ALDH18A1: variants seen among roughly 807,000 people sequenced by gnomAD.
ALDH18A1 encodes delta-1-pyrroline-5-carboxylate synthase.
In ALDH18A1, 44 loss-of-function variants were observed where a neutral mutation model predicts 88.8. The observed-to-expected ratio is 0.50, with a 90% CI of 0.39 to 0.64. The LOEUF is 0.64. ALDH18A1 is among the 30% of genes least tolerant of loss of function. The pLI is 0.00. For synonymous variants in ALDH18A1, 331 were observed against 372.1 expected, an observed-to-expected ratio of 0.89 and a Z score of 1.27; for missense variants, 782 against 1,009.5, an observed-to-expected ratio of 0.77 and a Z score of 3.05.
At chr10:95,625,718 G>C (rs780393770) in intron 10 of ALDH18A1, among the ~76,000 whole-genome samples, 9 of 141,026 alleles carry the variant, frequency 6.4e-5, no homozygotes, top group Non-Finnish European at 1.2e-4. Flanking sequence ...ATTATAATTA[G>C]CAAACCATGG....
At chr10:95,652,189 C>T (rs2097911401) in intron 2 of ALDH18A1, among the ~76,000 whole-genome samples, 2 of 152,198 alleles carry the variant, frequency 1.3e-5, no homozygotes, top group East Asian at 3.9e-4. Flanking sequence ...AAAATGTAGA[C>T]CAGATTAATG....
At chr10:95,653,039 T>TA (rs562048235) in intron 2 of ALDH18A1, among the ~76,000 whole-genome samples, 7 of 151,780 alleles carry the variant, frequency 4.6e-5, no homozygotes, top group Non-Finnish European at 8.8e-5. Flanking sequence ...ATAAAAAAGT[T>TA]AGAGTCAGCG....
chr10:95,620,741 G>T lies in ALDH18A1; in HGVS notation c.1467+290C>A, dbSNP rs144896093. 0.049 allele frequency among the ~76,000 whole-genome samples: 7,241 copies of T among 147,114 alleles called. 235 individuals carry two copies. Among genetic ancestry groups the T allele is most frequent in the South Asian group, 0.088 (387 of 4,402 alleles). The stretch of plus-strand genomic sequence containing the variant: ...CACTCGTAGGTGGGAACTGAACAAT[G>T]AGAACACTTGGACACAGGGTGGGGA... On this transcript the variant is annotated intron_variant, in intron 12 of 17. Coordinates refer to ENST00000371224, the MANE Select transcript of ALDH18A1 (RefSeq NM_002860.4).
chr10:95,638,024 A>T (rs2097884400), intron 3 of ALDH18A1, among the ~76,000 whole-genome samples: 1 of 151,714 alleles, frequency 6.6e-6, no homozygotes, highest in Non-Finnish European at 1.5e-5. Flanking sequence ...TAAGAAAAAA[A>T]TTTTTTTAAG....
At position 95,613,866 on chromosome 10, in the gene ALDH18A1, G is replaced by C. The variant is rs753352541; in HGVS notation, c.1802-3C>G. The C allele has an allele frequency of 6.2e-7, 1 of 1,614,202 alleles. No homozygotes were observed. Among genetic ancestry groups the C allele is most frequent in the South Asian group, 1.1e-5 (1 of 91,088 alleles). On this transcript the variant is annotated splice_region_variant and splice_polypyrimidine_tract_variant and intron_variant, in intron 14 of 17. Transcript: ENST00000371224. ...ATATTCACATTTAGAGTCTCTGACT[G>C]AAAGAAGATGAGCAAAGAATTGTTT... is the stretch of plus-strand genomic sequence containing the variant.
At chr10:95,620,513 C>T (rs1052652194) in intron 12 of ALDH18A1, among the ~76,000 whole-genome samples, 3 of 152,168 alleles carry the variant, frequency 2.0e-5, no homozygotes, top group Admixed American at 2.0e-4. Flanking sequence ...TTCACAATAG[C>T]AAAGACTTGG....
chr10:95,627,599 G>T lies in ALDH18A1; in HGVS notation c.934-13C>A. Reference sequence around the variant, plus strand: ...GGGCTGCTTTCACCTAATGAGACAGGTTAGATCCAGTAAAGATGAGATTCA... The same window carrying T: ...GGGCTGCTTTCACCTAATGAGACAGTTTAGATCCAGTAAAGATGAGATTCA... On this transcript the variant is annotated splice_polypyrimidine_tract_variant and intron_variant, in intron 8 of 17. Coordinates refer to ENST00000371224, the MANE Select transcript of ALDH18A1 (RefSeq NM_002860.4). 6.2e-7 allele frequency: 1 copy of T among 1,613,882 alleles called. No homozygotes were observed. Among genetic ancestry groups the T allele is most frequent in the Non-Finnish European group, 8.5e-7 (1 of 1,179,830 alleles).
At chr10:95,647,454 G>C (rs1183441622) in intron 2 of ALDH18A1, among the ~76,000 whole-genome samples, 1 of 152,234 alleles carries the variant, frequency 6.6e-6, no homozygotes, top group East Asian at 1.9e-4. Context: ...TGTAAAAAAA[G>C]TGTTACTTAC....
In ALDH18A1 at chr10:95,625,527, C is replaced by A. The variant is rs372198073; in HGVS notation, c.1153-72G>T. ...AAGAATGCACACCACAGTTTTTAAA[C>A]CTACTCTTCTGAGAGTGCCAGGCCT... On this transcript the variant is annotated intron_variant, in intron 10 of 17. Transcript: ENST00000371224. 8,500 of 1,333,964 alleles carry A rather than the reference C, an allele frequency of 6.4e-3. 68 individuals carry two copies. Among genetic ancestry groups the A allele is most frequent in the Middle Eastern group, 0.017 (91 of 5,436 alleles). The allele number at this position is 1,333,964 out of a possible 1,614,324, so 82.6% of individuals were successfully genotyped here. A position where few individuals can be genotyped will look rare whatever the true frequency, so the allele number is the denominator to read the frequency against.
At chr10:95,651,442 C>T (rs1427041771) in intron 2 of ALDH18A1, among the ~76,000 whole-genome samples, 2 of 152,144 alleles carry the variant, frequency 1.3e-5, no homozygotes, top group African/African-American at 4.8e-5. Context: ...GCCATTCTTG[C>T]ATTGCTGTAA....
At chr10:95,614,729 T>C (rs1287233790) in intron 13 of ALDH18A1, among the ~76,000 whole-genome samples, 2 of 152,220 alleles carry the variant, frequency 1.3e-5, no homozygotes, top group African/African-American at 4.8e-5. Context: ...ATTATGGGCA[T>C]TTTGTTTTCT....
chr10:95,650,333 A>G (rs1312156165), intron 2 of ALDH18A1, among the ~76,000 whole-genome samples: 1 of 152,226 alleles, frequency 6.6e-6, no homozygotes, highest in Non-Finnish European at 1.5e-5. Context: ...CACCTATCCA[A>G]CAAAGGACTA....
In ALDH18A1 at chr10:95,649,270, G is replaced by A. The variant is rs566383448; in HGVS notation, c.88+4020C>T. ...GTGGCTCACACCTGTAATTCCTGCA[G>A]GTTGGGAGGTCAAGGTGGGAGGATC... is the stretch of plus-strand genomic sequence containing the variant. On this transcript the variant is annotated intron_variant, in intron 2 of 17. Transcript: ENST00000371224. Among the ~76,000 whole-genome samples the A allele has an allele frequency of 7.8e-4, 119 of 152,094 alleles. 1 individual carries two copies. The highest frequency in any genetic ancestry group is 2.7e-3 in the African/African-American group (114 of 41,496).
chr10:95,629,834 A>C (rs752806989), intron 7 of ALDH18A1, among the ~76,000 whole-genome samples: 2 of 152,238 alleles, frequency 1.3e-5, no homozygotes, highest in Non-Finnish European at 2.9e-5. Context: ...TAAGAATGCC[A>C]GTCTACCAAT....
At chr10:95,611,808 A>G (rs951724884) in intron 15 of ALDH18A1, among the ~76,000 whole-genome samples, 1 of 152,062 alleles carries the variant, frequency 6.6e-6, no homozygotes, top group African/African-American at 2.4e-5. Context: ...CCCCGTCTTT[A>G]CTAAAAAAAT....
chr10:95,625,292 T>C (rs1385768906), intron 11 of ALDH18A1, 70 bp downstream of exon 11: 9 of 1,168,132 alleles, frequency 7.7e-6, no homozygotes, highest in Admixed American at 5.0e-5. Flanking sequence ...ATAAGAATTA[T>C]TAGTAAAACT....
intron 2 of ALDH18A1, among the ~76,000 whole-genome samples, chr10:95,648,221 C>A (rs2097904376): frequency 6.6e-6 from 1 of 152,164 alleles, no homozygotes; most frequent in Non-Finnish European, 1.5e-5. Flanking sequence ...CTGATGTCCA[C>A]TGCAACCCCG....
intron 15 of ALDH18A1, 63 bp from the exon 16 acceptor site, chr10:95,611,505 T>C: frequency 1.9e-6 from 3 of 1,583,430 alleles, no homozygotes; most frequent in South Asian, 2.2e-5. Context: ...AGTTCTAGGA[T>C]AGAACAGAAA....
chr10:95,628,525 T>G (rs771401792), intron 7 of ALDH18A1, 33 bp from the exon 8 acceptor site: 2 of 1,608,166 alleles, frequency 1.2e-6, no homozygotes, highest in South Asian at 2.2e-5. Flanking sequence ...TAATACTGCT[T>G]TGATGGAAGT....
Sources: gnomAD v4.1 joint callset for allele counts (sites outside exome capture counted in the v4.1 genomes callset) on GRCh38, gnomAD v4.1.1 for gene constraint, MANE v1.5 for transcripts, NCBI Gene and HGNC (gene_info 2026-07-23, HGNC 2026-07-21) for gene names.